Variants in RBM20 observed in about 807,000 individuals in gnomAD.
RBM20 encodes the protein RNA binding motif protein 20.
A neutral mutation model predicts 110.1 loss-of-function variants in RBM20; 51 were observed. That is an observed-to-expected ratio of 0.46 (90% CI 0.37 to 0.59). The LOEUF (loss-of-function observed/expected upper bound fraction) is 0.59. Ranked by LOEUF, RBM20 falls within the 20% of genes least tolerant of loss-of-function variation. The pLI is 0.00. For synonymous variants in RBM20, 589 were observed against 618.2 expected, an observed-to-expected ratio of 0.95 and a Z score of 0.70; for missense variants, 1,512 against 1,574.9, an observed-to-expected ratio of 0.96 and a Z score of 0.68.
chr10:110,652,173 A>G (rs529297061), intron 1 of RBM20, among the ~76,000 whole-genome samples: 81 of 152,356 alleles, frequency 5.3e-4, no homozygotes, highest in Non-Finnish European at 9.4e-4. Flanking sequence ...ATTGATTGAT[A>G]TGGAAGGAGA....
At chr10:110,749,339 G>A (rs1853372) in intron 1 of RBM20, among the ~76,000 whole-genome samples, 62,874 of 151,822 alleles carry the variant, frequency 0.41, 14,021 homozygotes, top group African/African-American at 0.51. Flanking sequence ...CATTTCTGCC[G>A]AACTACAGTA....
At chr10:110,785,505 G>A (rs1267335601) in intron 5 of RBM20, among the ~76,000 whole-genome samples, 13 of 151,958 alleles carry the variant, frequency 8.6e-5, no homozygotes, top group East Asian at 3.9e-4. Context: ...GCAGTGAGCC[G>A]AGATCGCACC....
intron 1 of RBM20, among the ~76,000 whole-genome samples, chr10:110,732,650 C>T (rs1293858056): frequency 6.6e-6 from 1 of 152,220 alleles, no homozygotes; most frequent in Non-Finnish European, 1.5e-5. Context: ...CACATAAATT[C>T]TGCCCTTGCC....
intron 7 of RBM20, among the ~76,000 whole-genome samples, chr10:110,800,557 G>A (rs73358977): frequency 0.021 from 3,193 of 152,110 alleles, 49 homozygotes; most frequent in African/African-American, 0.045. Context: ...AGTAATAATG[G>A]GTGAGATCTC....
intron 7 of RBM20, among the ~76,000 whole-genome samples, chr10:110,805,067 C>G (rs1844677901): frequency 6.6e-6 from 1 of 152,160 alleles, no homozygotes; most frequent in Non-Finnish European, 1.5e-5. Flanking sequence ...TGAGAGTCTT[C>G]TCTATGTGCT....
intron 1 of RBM20, among the ~76,000 whole-genome samples, chr10:110,645,967 G>A (rs561664196): frequency 6.6e-6 from 1 of 152,128 alleles, no homozygotes; most frequent in African/African-American, 2.4e-5. Flanking sequence ...GACAATTTAT[G>A]TACATCAATA....
At chr10:110,711,545 A>C (rs1341993362) in intron 1 of RBM20, among the ~76,000 whole-genome samples, 1 of 152,156 alleles carries the variant, frequency 6.6e-6, no homozygotes, top group Non-Finnish European at 1.5e-5. Context: ...GGATAATTGC[A>C]AGTGACTGAA....
chr10:110,717,522 C>G (rs1863038001), intron 1 of RBM20, among the ~76,000 whole-genome samples: 1 of 152,152 alleles, frequency 6.6e-6, no homozygotes, highest in African/African-American at 2.4e-5. Flanking sequence ...ACATCAATGT[C>G]CCCTGGCCAT....
chr10:110,789,349 A>G (rs1338800501), intron 5 of RBM20, among the ~76,000 whole-genome samples: 1 of 150,764 alleles, frequency 6.6e-6, no homozygotes, highest in Admixed American at 6.6e-5. Flanking sequence ...CTGCATTTAA[A>G]CTTCTCCCAC....
At chr10:110,830,119 C>T (rs770227346) in intron 12 of RBM20, among the ~76,000 whole-genome samples, 4 of 152,238 alleles carry the variant, frequency 2.6e-5, no homozygotes, top group South Asian at 2.1e-4. Context: ...TGACTCTCCC[C>T]GGGTCACATG....
At chr10:110,725,524 G>T (rs558893515) in intron 1 of RBM20, among the ~76,000 whole-genome samples, 19 of 152,208 alleles carry the variant, frequency 1.2e-4, no homozygotes, top group African/African-American at 4.6e-4. Flanking sequence ...TTATAACTAG[G>T]TATTATTTAG....
At chr10:110,813,043 A>T in intron 9 of RBM20, 96 bp downstream of exon 9, 1 of 876,738 alleles carries the variant, frequency 1.1e-6, no homozygotes, top group South Asian at 2.0e-5. Context: ...TGAATGAATG[A>T]ACATTTACTG....
At chr10:110,691,852 C>G (rs1862590437) in intron 1 of RBM20, among the ~76,000 whole-genome samples, 1 of 152,152 alleles carries the variant, frequency 6.6e-6, no homozygotes, top group Non-Finnish European at 1.5e-5. Context: ...ATTGCCAAAT[C>G]CAATGTTACG....
chr10:110,644,871 CTCCTT>C lies in RBM20; in HGVS notation c.191+229_191+233del, dbSNP rs1171984006. ...GGAAAATTATTTTGTTTTTCCTTAT[CTCCTT>C]TCTCTTCTCTTCAGGAATGGTACTA... On this transcript the variant is annotated intron_variant, in intron 1 of 13. Transcript: ENST00000369519. This position sits in a 1 kb window ranked among gnomAD's most constrained non-coding sequence, Gnocchi z 4.3. Among the ~76,000 whole-genome samples the C allele has an allele frequency of 6.6e-6, 1 of 152,144 alleles. No individual in the cohort carries two copies. Among genetic ancestry groups the C allele is most frequent in the Non-Finnish European group, 1.5e-5 (1 of 68,030 alleles).
At chr10:110,707,751 G>T (rs1862863534) in intron 1 of RBM20, among the ~76,000 whole-genome samples, 1 of 152,194 alleles carries the variant, frequency 6.6e-6, no homozygotes, top group Admixed American at 6.5e-5. Flanking sequence ...GTTACCAGAG[G>T]CTGGGAAGAG....
At chr10:110,701,247 AT>A (rs370862299) in intron 1 of RBM20, among the ~76,000 whole-genome samples, 46 of 148,674 alleles carry the variant, frequency 3.1e-4, no homozygotes, top group South Asian at 1.9e-3. Flanking sequence ...ATTGTGAAGA[AT>A]TTTTTTTTTT....
At chr10:110,706,414 T>C (rs1862840079) in intron 1 of RBM20, among the ~76,000 whole-genome samples, 1 of 152,262 alleles carries the variant, frequency 6.6e-6, no homozygotes, top group South Asian at 2.1e-4. Flanking sequence ...GGGACAGCCC[T>C]GGACCTTGAG....
chr10:110,723,532 C>A (rs956519887), intron 1 of RBM20, among the ~76,000 whole-genome samples: 2 of 152,240 alleles, frequency 1.3e-5, no homozygotes, highest in African/African-American at 4.8e-5. Context: ...CACCATTTTA[C>A]ACCAATGCCA....
chr10:110,831,201 T>C lies in RBM20; in HGVS notation c.3573+19T>C. On this transcript the variant is annotated intron_variant, in intron 13 of 13. Transcript: ENST00000369519. Reference sequence around the variant, plus strand: ...CTTACAGGTAAAAATCCACTCTCCTTGCCCAGCATGCCAGGGGCTCCCCAG... The same window carrying C: ...CTTACAGGTAAAAATCCACTCTCCTCGCCCAGCATGCCAGGGGCTCCCCAG... 1 of 1,548,166 alleles carries C rather than the reference T, an allele frequency of 6.5e-7. No homozygotes were observed. The highest frequency in any genetic ancestry group is 8.7e-7 in the Non-Finnish European group (1 of 1,144,258).
Sources: gnomAD v4.1 joint callset for allele counts (sites outside exome capture counted in the v4.1 genomes callset) on GRCh38, gnomAD v4.1.1 for gene constraint, Gnocchi (gnomAD v3.1) non-coding constraint, MANE v1.5 for transcripts, NCBI Gene and HGNC (gene_info 2026-07-23, HGNC 2026-07-21) for gene names.